Variants in TAFA2 observed in about 807,000 individuals in gnomAD.
TAFA2 encodes TAFA chemokine like family member 2.
In TAFA2, 7 loss-of-function variants were observed where a neutral mutation model predicts 18.8. The ratio of observed to expected loss-of-function variants is 0.37; its 90% CI spans 0.21 to 0.70. The LOEUF (loss-of-function observed/expected upper bound fraction) is 0.70, where lower values mean the gene tolerates loss of function less well. Ranked by LOEUF, TAFA2 falls within the 30% of genes least tolerant of loss-of-function variation. TAFA2 has a pLI of 0.53. For synonymous variants in TAFA2, 60 were observed against 54.2 expected (o/e 1.11, Z -0.47); for missense variants, 122 against 158.1 (o/e 0.77, Z 1.23).
intron 1 of TAFA2, among the ~76,000 whole-genome samples, chr12:62,039,687 G>A (rs1050290821): frequency 1.3e-5 from 2 of 152,144 alleles, no homozygotes; most frequent in African/African-American, 4.8e-5. Context: ...AAGAGAGATG[G>A]CTCTTCTAAC....
chr12:61,808,714 A>G (rs949774314), intron 2 of TAFA2, among the ~76,000 whole-genome samples: 1 of 151,442 alleles, frequency 6.6e-6, no homozygotes, highest in Non-Finnish European at 1.5e-5. Context: ...TTGGTCTGAA[A>G]GTAGTAATGC....
chr12:62,219,182 GA>G (rs570770769), intron 1 of TAFA2, among the ~76,000 whole-genome samples: 3 of 145,848 alleles, frequency 2.1e-5, no homozygotes, highest in Non-Finnish European at 4.5e-5. Flanking sequence ...CTCCAGCTTT[GA>G]AAAAAAAAAC....
At chr12:61,767,514 A>C (rs764747293) in intron 2 of TAFA2, among the ~76,000 whole-genome samples, 2 of 152,084 alleles carry the variant, frequency 1.3e-5, no homozygotes, top group African/African-American at 2.4e-5. Context: ...TATGCTTTGA[A>C]GCCAGCAAGA....
intron 1 of TAFA2, among the ~76,000 whole-genome samples, chr12:62,084,684 G>A (rs1324439820): frequency 6.6e-6 from 1 of 152,066 alleles, no homozygotes; most frequent in Non-Finnish European, 1.5e-5. Flanking sequence ...GGTAAAAACT[G>A]GACAAAGAAG....
chr12:61,802,292 A>C (rs550398033), intron 2 of TAFA2, among the ~76,000 whole-genome samples: 1 of 152,216 alleles, frequency 6.6e-6, no homozygotes, highest in East Asian at 1.9e-4. Flanking sequence ...AGTATATCAA[A>C]GAGATATATG....
intron 1 of TAFA2, among the ~76,000 whole-genome samples, chr12:62,106,249 G>A (rs773153877): frequency 1.2e-4 from 18 of 151,902 alleles, no homozygotes; most frequent in Admixed American, 2.6e-4. Flanking sequence ...CAGAAAAATC[G>A]CTTGAACCTG....
At chr12:61,927,798 G>T (rs543292214) in intron 1 of TAFA2, among the ~76,000 whole-genome samples, 4 of 152,120 alleles carry the variant, frequency 2.6e-5, no homozygotes, top group African/African-American at 9.7e-5. Context: ...GCATAGTACT[G>T]GTACCAAAAC....
chr12:61,770,757 A>G (rs1274130553), intron 2 of TAFA2, among the ~76,000 whole-genome samples: 1 of 152,140 alleles, frequency 6.6e-6, no homozygotes, highest in Non-Finnish European at 1.5e-5. Flanking sequence ...CTTCAAATAT[A>G]TCCTCAAAAT....
At chr12:61,799,780 C>T (rs997956247) in intron 2 of TAFA2, among the ~76,000 whole-genome samples, 2 of 152,072 alleles carry the variant, frequency 1.3e-5, no homozygotes, top group Non-Finnish European at 2.9e-5. Context: ...CGAGATTGCG[C>T]CACTGCACTC....
chr12:61,900,900 A>G (rs1029517071), intron 1 of TAFA2, among the ~76,000 whole-genome samples: 1 of 152,138 alleles, frequency 6.6e-6, no homozygotes, highest in Admixed American at 6.5e-5. Context: ...TAATTTCTGA[A>G]CAGTGAATAA....
chr12:62,189,347 A>T (rs1470857606), intron 1 of TAFA2, among the ~76,000 whole-genome samples: 1 of 152,218 alleles, frequency 6.6e-6, no homozygotes, highest in East Asian at 1.9e-4. Flanking sequence ...ATTGAAAATT[A>T]GGAAAATGAA....
At chr12:61,883,385 A>G (rs1360284901) in intron 1 of TAFA2, among the ~76,000 whole-genome samples, 2 of 152,210 alleles carry the variant, frequency 1.3e-5, no homozygotes, top group African/African-American at 4.8e-5. Context: ...CACACTTGCA[A>G]TCATGCAAAC....
chr12:62,113,212 T>A (rs1368048753), intron 1 of TAFA2, among the ~76,000 whole-genome samples: 1 of 152,220 alleles, frequency 6.6e-6, no homozygotes, highest in Non-Finnish European at 1.5e-5. Context: ...CCTTTCTGTT[T>A]GTTAGTTTTC....
intron 1 of TAFA2, among the ~76,000 whole-genome samples, chr12:62,222,687 T>TA (rs2136979643): frequency 1.3e-5 from 2 of 151,172 alleles, no homozygotes; most frequent in African/African-American, 4.9e-5. Flanking sequence ...TTTTTTTTTT[T>TA]TTATTTTTAG....
intron 1 of TAFA2, among the ~76,000 whole-genome samples, chr12:62,154,511 G>A (rs1484053998): frequency 6.6e-6 from 1 of 152,140 alleles, no homozygotes; most frequent in Admixed American, 6.5e-5. Context: ...AAAGAAGGAT[G>A]GGAATGAATA....
chr12:61,851,806 A>AAAAAAAAAAAC, intron 2 of TAFA2, among the ~76,000 whole-genome samples: 1 of 144,058 alleles, frequency 6.9e-6, no homozygotes, highest in Non-Finnish European at 1.5e-5. Context: ...AAAAAAAAAA[A>AAAAAAAAAAAC]AAAAAAAAAA....
chr12:61,743,382 T>A (rs1384375636), intron 4 of TAFA2, among the ~76,000 whole-genome samples: 2 of 152,116 alleles, frequency 1.3e-5, no homozygotes, highest in African/African-American at 4.8e-5. Flanking sequence ...TTAGTTGTAT[T>A]CCTTGTAGTC....
At chr12:61,807,756 C>A (rs1871682769) in intron 2 of TAFA2, among the ~76,000 whole-genome samples, 1 of 151,476 alleles carries the variant, frequency 6.6e-6, no homozygotes, top group South Asian at 2.1e-4. Flanking sequence ...CAAAGGAGAT[C>A]ATTTTGGAGC....
chr12:62,008,536 G>A (rs867609675), intron 1 of TAFA2, among the ~76,000 whole-genome samples: 13 of 151,928 alleles, frequency 8.6e-5, no homozygotes, highest in Admixed American at 2.0e-4. Context: ...AAGTATCATC[G>A]CACAACATAA....
Sources: allele counts gnomAD v4.1 joint callset (sites outside exome capture counted in the v4.1 genomes callset), GRCh38; gene constraint gnomAD v4.1.1; transcripts MANE v1.5; gene names NCBI Gene and HGNC (gene_info 2026-07-23, HGNC 2026-07-21).